Variants in RNF217 observed in about 807,000 individuals in gnomAD.
The protein encoded by RNF217 is E3 ubiquitin-protein ligase RNF217.
A neutral mutation model predicts 57.8 loss-of-function variants in RNF217; 31 were observed. That is an observed-to-expected ratio of 0.54 (90% confidence interval 0.40 to 0.72). The LOEUF (loss-of-function observed/expected upper bound fraction) is 0.72, where lower values mean the gene tolerates loss of function less well. Ranked by LOEUF, RNF217 falls within the 30% of genes least tolerant of loss-of-function variation. The pLI is 0.00. For synonymous variants in RNF217, 313 were observed against 294.0 expected (o/e 1.06, Z -0.66); for missense variants, 696 against 708.3 (o/e 0.98, Z 0.20).
intron 1 of RNF217, among the ~76,000 whole-genome samples, chr6:125,041,485 T>C (rs1217295786): frequency 2.6e-5 from 4 of 152,146 alleles, no homozygotes; most frequent in Non-Finnish European, 4.4e-5. Flanking sequence ...ATCTGTCTTC[T>C]GCCTAACTCT....
At chr6:125,079,813 T>C (rs1266347945) in intron 4 of RNF217, among the ~76,000 whole-genome samples, 2 of 152,094 alleles carry the variant, frequency 1.3e-5, no homozygotes, top group Admixed American at 6.6e-5. Flanking sequence ...AGTATAGGAA[T>C]ATTTAAATAA....
chr6:125,081,351 A>G, intron 4 of RNF217, 85 bp from the exon 5 acceptor site: 1 of 937,184 alleles, frequency 1.1e-6, no homozygotes, highest in Non-Finnish European at 1.7e-6. Flanking sequence ...AATAATATAC[A>G]CTGTGGTATT....
At chr6:125,047,247 G>T (rs1318384442) in intron 2 of RNF217, among the ~76,000 whole-genome samples, 5 of 151,980 alleles carry the variant, frequency 3.3e-5, no homozygotes, top group Non-Finnish European at 4.4e-5. Context: ...ATTAGAGTGG[G>T]AATAACTGAG....
intron 2 of RNF217, among the ~76,000 whole-genome samples, chr6:125,046,925 A>G (rs571783025): frequency 3.9e-4 from 59 of 152,208 alleles, no homozygotes; most frequent in African/African-American, 1.3e-3. Context: ...TCTCTTCTAT[A>G]AAAAGCATTA....
At chr6:125,026,404 G>T (rs1786081978) in intron 1 of RNF217, among the ~76,000 whole-genome samples, 1 of 152,150 alleles carries the variant, frequency 6.6e-6, no homozygotes, top group Non-Finnish European at 1.5e-5. Flanking sequence ...TTAGAATAGT[G>T]CCTGGCACAT....
intron 2 of RNF217, among the ~76,000 whole-genome samples, chr6:125,053,030 A>G (rs1787386801): frequency 6.6e-6 from 1 of 152,036 alleles, no homozygotes; most frequent in Admixed American, 6.6e-5. Flanking sequence ...TTTCCCCAAT[A>G]TATCATGTGC....
chr6:125,016,915 A>G (rs1008980403), intron 1 of RNF217, among the ~76,000 whole-genome samples: 5 of 152,200 alleles, frequency 3.3e-5, no homozygotes, highest in African/African-American at 9.6e-5. Context: ...CATGTATCAC[A>G]TAAAGCATAA....
At chr6:125,002,852 G>C (rs1333186202) in intron 1 of RNF217, among the ~76,000 whole-genome samples, 1 of 152,116 alleles carries the variant, frequency 6.6e-6, no homozygotes, top group African/African-American at 2.4e-5. Flanking sequence ...GACTCTTGCA[G>C]ACTTTATTAG....
intron 2 of RNF217, among the ~76,000 whole-genome samples, chr6:125,055,418 G>A (rs2114577390): frequency 6.6e-6 from 1 of 152,260 alleles, no homozygotes; most frequent in East Asian, 1.9e-4. Flanking sequence ...TTATTATTCT[G>A]ATGCCTTAGG....
intron 1 of RNF217, chr6:124,983,282 G>A: frequency 1.3e-6 from 1 of 772,674 alleles, no homozygotes. Context: ...TGTGTCTTGT[G>A]ATGTAGAGAC....
At position 125,081,482 on chromosome 6, in the gene RNF217, A is replaced by G. The variant is rs149494817; in HGVS notation, c.1530A>G (p.Ala510=). ...CTCTAATTATGGTTTTGGGATTGGC[A>G]CTAGGGGCCATAGCGGTTGTAATCG... is the stretch of plus-strand genomic sequence containing the variant. ...IAPLIMVLGL[A]LGAIAVVIGL... is the part of the protein sequence containing the mutation. The change falls in exon 5 of 6, where the codon GCA becomes GCG. Residue 510 remains alanine (A), a synonymous_variant. Coordinates refer to ENST00000521654, the MANE Select transcript of RNF217 (RefSeq NM_001286398.3). 6.2e-7 allele frequency: 1 copy of G among 1,611,550 alleles called. No individual in the cohort carries two copies. Among genetic ancestry groups the G allele is most frequent in the African/African-American group, 1.3e-5 (1 of 74,936 alleles).
rs1175152578 is a variant in RNF217, at chr6:125,074,345, ATAGATAGG to A, written c.1282-2311_1282-2304del. On this transcript the variant is annotated intron_variant, in intron 3 of 5. Coordinates refer to ENST00000521654, the MANE Select transcript of RNF217 (RefSeq NM_001286398.3). ...GATAGATAGATAGATAGATAGATAG[ATAGATAGG>A]GATGGGAGGAAGGGGGAGAGAGAGG... 5.0e-5 allele frequency among the ~76,000 whole-genome samples: 7 copies of A among 138,860 alleles called. No homozygotes were observed. The Admixed American group carries it at 5.1e-4, about 10-fold the overall frequency. 91.1% of individuals were successfully genotyped at this position (138,860 alleles called of 152,430 possible).
At position 125,086,063 on chromosome 6, in the gene RNF217, T is replaced by C. The variant is rs1264846371; in HGVS notation, c.*3126T>C. 1.3e-5 allele frequency: 2 copies of C among 152,014 alleles called. No individual in the cohort carries two copies. The highest frequency in any genetic ancestry group is 6.6e-5 in the Admixed American group (1 of 15,246). 9.4% of individuals were successfully genotyped at this position (152,014 alleles called of 1,614,324 possible). A position where few individuals can be genotyped will look rare whatever the true frequency, so the allele number is the denominator to read the frequency against. On this transcript the variant is annotated 3_prime_UTR_variant, in exon 6 of 6. Transcript: ENST00000521654. ...GCAAGAGTGAAGACCCTTTTGCATATATTTTTGTCACCTTGCATGAACATA... is the reference window on the plus strand; with the variant it reads ...GCAAGAGTGAAGACCCTTTTGCATACATTTTTGTCACCTTGCATGAACATA...
At position 125,021,653 on chromosome 6, in the gene RNF217, T is replaced by C. The variant is rs535124161; in HGVS notation, c.883-23558T>C. 2.6e-5 allele frequency among the ~76,000 whole-genome samples: 4 copies of C among 152,260 alleles called. No homozygotes were observed. In the South Asian group the frequency reaches 8.3e-4, roughly 32 times the overall value. ...AGAATAAATATATTCTACAAGGACT[T>C]ATATGAAAATGTTGATATTGGTAGT... is the stretch of plus-strand genomic sequence containing the variant. On this transcript the variant is annotated intron_variant, in intron 1 of 5. Transcript: ENST00000521654.
intron 1 of RNF217, among the ~76,000 whole-genome samples, chr6:125,022,172 A>G (rs1012414895): frequency 2.6e-5 from 4 of 152,090 alleles, no homozygotes; most frequent in African/African-American, 9.7e-5. Flanking sequence ...CTGCACCACC[A>G]TGCCTGGCCT....
chr6:124,975,229 A>C (rs1226311218), intron 1 of RNF217, among the ~76,000 whole-genome samples: 1 of 152,216 alleles, frequency 6.6e-6, no homozygotes, highest in Non-Finnish European at 1.5e-5. Context: ...AAGTTTAATC[A>C]CCACAGCTTT....
At chr6:125,059,857 C>T (rs777733605) in intron 3 of RNF217, among the ~76,000 whole-genome samples, 2 of 152,038 alleles carry the variant, frequency 1.3e-5, no homozygotes, top group African/African-American at 2.4e-5. Context: ...AAGGGATTAC[C>T]TTTTAAATAG....
At chr6:125,015,543 G>T (rs1038905933) in intron 1 of RNF217, among the ~76,000 whole-genome samples, 1 of 152,008 alleles carries the variant, frequency 6.6e-6, no homozygotes, top group South Asian at 2.1e-4. Flanking sequence ...AAAGAAAAGC[G>T]GTTATGATCT....
intron 1 of RNF217, among the ~76,000 whole-genome samples, chr6:125,001,206 G>T (rs945313357): frequency 2.2e-4 from 34 of 152,252 alleles, no homozygotes; most frequent in African/African-American, 7.9e-4. Flanking sequence ...TTATATTAGG[G>T]AATGCTGAAT....
Sources: allele counts gnomAD v4.1 joint callset (sites outside exome capture counted in the v4.1 genomes callset), GRCh38; gene constraint gnomAD v4.1.1; transcripts MANE v1.5; gene names NCBI Gene and HGNC (gene_info 2026-07-23, HGNC 2026-07-21).